ACSL5: variants seen among roughly 807,000 people sequenced by gnomAD.
The protein encoded by ACSL5 is acyl-CoA synthetase long chain family member 5.
In ACSL5, 50 loss-of-function variants were observed where a neutral mutation model predicts 84.9. The ratio of observed to expected loss-of-function variants is 0.59; its 90% confidence interval spans 0.47 to 0.75. The LOEUF (loss-of-function observed/expected upper bound fraction) is 0.75. Ranked by LOEUF, ACSL5 falls within the 30% of genes least tolerant of loss-of-function variation. The pLI is 0.00. For missense variants in ACSL5, 775 were observed against 830.4 expected, an observed-to-expected ratio of 0.93 and a Z score of 0.82; for synonymous variants, 280 against 300.7, an observed-to-expected ratio of 0.93 and a Z score of 0.71.
At chr10:112,414,330 T>A (rs1054416270) in intron 12 of ACSL5, among the ~76,000 whole-genome samples, 1 of 149,736 alleles carries the variant, frequency 6.7e-6, no homozygotes, top group Non-Finnish European at 1.5e-5. Flanking sequence ...AATTTTCAGA[T>A]TTTTTTTTAA....
intron 12 of ACSL5, among the ~76,000 whole-genome samples, chr10:112,413,720 A>G (rs903083211): frequency 6.6e-6 from 1 of 152,130 alleles, no homozygotes; most frequent in Non-Finnish European, 1.5e-5. Context: ...GCAAGACTCC[A>G]TCTCAAAAAA....
chr10:112,406,911 T>TA (rs1844052953), intron 5 of ACSL5, among the ~76,000 whole-genome samples: 2 of 152,154 alleles, frequency 1.3e-5, no homozygotes, highest in Admixed American at 6.5e-5. Flanking sequence ...ATGCTGCTGA[T>TA]AAAGACATAC....
rs200496331 is a variant in ACSL5, at chr10:112,426,341, G to A, written c.1821G>A (p.Glu607=). ...AAKLGVKGSF[E]ELCQNQVVRE... is the part of the protein sequence containing the mutation. ...AGCTTGGGGTGAAGGGCTCCTTTGA[G>A]GAACTGTGCCAAAACCAAGTAAGTC... Residue 607 remains glutamate (E), a synonymous_variant, in exon 19 of 21, where the codon GAG becomes GAA. Transcript: ENST00000354655. 3.1e-6 allele frequency: 5 copies of A among 1,614,014 alleles called. No homozygotes were observed. The highest frequency in any genetic ancestry group is 1.6e-4 in the Middle Eastern group (1 of 6,062).
At chr10:112,424,697 A>C (rs1844602944) in intron 17 of ACSL5, 2 of 152,174 alleles carry the variant, frequency 1.3e-5, no homozygotes, top group East Asian at 3.8e-4. Flanking sequence ...TAGCATGTGG[A>C]TTTTATTTGC....
chr10:112,422,488 G>A, intron 17 of ACSL5, 47 bp downstream of exon 17: 1 of 1,529,572 alleles, frequency 6.5e-7, no homozygotes, highest in Non-Finnish European at 9.0e-7. Context: ...AATGGACTGA[G>A]AAGAACAATC....
chr10:112,419,838 C>T (rs1844413669), intron 14 of ACSL5: 1 of 152,182 alleles, frequency 6.6e-6, no homozygotes, highest in African/African-American at 2.4e-5. Flanking sequence ...CCCAATATTT[C>T]ATAAGACTGT....
intron 1 of ACSL5, among the ~76,000 whole-genome samples, chr10:112,386,651 A>C (rs1311298780): frequency 6.6e-6 from 1 of 152,176 alleles, no homozygotes; most frequent in Non-Finnish European, 1.5e-5. Context: ...AGTTCCTAAG[A>C]AAGCCTTCAT....
chr10:112,421,521 T>G (rs933600818), intron 14 of ACSL5, 72 bp from the exon 15 acceptor site: 1 of 1,385,336 alleles, frequency 7.2e-7, no homozygotes, highest in Non-Finnish European at 1.0e-6. Flanking sequence ...TTTCCTCGTG[T>G]CTTGACCATA....
intron 1 of ACSL5, 181 bp from the exon 2 acceptor site, chr10:112,394,737 C>T: frequency 1.0e-6 from 1 of 984,918 alleles, no homozygotes; most frequent in Non-Finnish European, 1.2e-6. Flanking sequence ...TTCAACAGTG[C>T]TAAGTAAACA....
At chr10:112,384,108 C>T (rs541184108) in intron 1 of ACSL5, among the ~76,000 whole-genome samples, 1 of 152,146 alleles carries the variant, frequency 6.6e-6, no homozygotes, top group African/African-American at 2.4e-5. Flanking sequence ...ATCGCTTGAA[C>T]CCAGGAGGCA....
At chr10:112,401,247 G>C (rs927023072) in intron 3 of ACSL5, among the ~76,000 whole-genome samples, 1 of 152,176 alleles carries the variant, frequency 6.6e-6, no homozygotes, top group South Asian at 2.1e-4. Context: ...TGACACTTCT[G>C]GTCCTATCTG....
chr10:112,395,337 A>G (rs1442339390), intron 2 of ACSL5, among the ~76,000 whole-genome samples: 6 of 152,370 alleles, frequency 3.9e-5, no homozygotes, highest in South Asian at 4.1e-4. Context: ...AAACATAGCC[A>G]TGAACAAAAT....
At chr10:112,375,723 G>A (rs554645301) in intron 1 of ACSL5, among the ~76,000 whole-genome samples, 2 of 152,300 alleles carry the variant, frequency 1.3e-5, no homozygotes, top group African/African-American at 4.8e-5. Flanking sequence ...GTTAAGTTTT[G>A]AGGTGTGACT....
chr10:112,401,792 CTTTCTTTCTTTCTTTCTTTCTTTCTT>C (rs1843901949), intron 3 of ACSL5, among the ~76,000 whole-genome samples: 2 of 94,756 alleles, frequency 2.1e-5, no homozygotes, highest in Non-Finnish European at 4.7e-5. Context: ...CTTTCTCTTT[CTTTCTTTCTTTCTTTCTTTCTTTCTT>C]TCTTTCTTTC....
intron 1 of ACSL5, among the ~76,000 whole-genome samples, chr10:112,393,282 C>G (rs866435540): frequency 3.9e-5 from 6 of 152,168 alleles, no homozygotes; most frequent in South Asian, 2.1e-4. Context: ...TTTTTCTCCC[C>G]CTAAATGCAA....
At chr10:112,393,195 AG>A (rs1370467588) in intron 1 of ACSL5, among the ~76,000 whole-genome samples, 1 of 152,144 alleles carries the variant, frequency 6.6e-6, no homozygotes, top group Non-Finnish European at 1.5e-5. Flanking sequence ...GAATCCTGCC[AG>A]GTGGTCACAA....
chr10:112,410,721 C>T, intron 9 of ACSL5, 86 bp downstream of exon 9: 7 of 1,421,682 alleles, frequency 4.9e-6, no homozygotes, highest in Non-Finnish European at 5.8e-6. Flanking sequence ...CTGGTAAATA[C>T]TCCCTCTAAA....
At chr10:112,423,474 G>C (rs1844557600) in intron 17 of ACSL5, among the ~76,000 whole-genome samples, 1 of 151,168 alleles carries the variant, frequency 6.6e-6, no homozygotes, top group Non-Finnish European at 1.5e-5. Context: ...TGGGATTGCT[G>C]GTATAAGCTA....
chr10:112,396,388 C>T (rs1049119646), intron 2 of ACSL5: 2 of 152,132 alleles, frequency 1.3e-5, no homozygotes, highest in Non-Finnish European at 2.9e-5. Flanking sequence ...TCTTTTGCAA[C>T]GACTCAATGC....
Sources: gnomAD v4.1 joint callset for allele counts (sites outside exome capture counted in the v4.1 genomes callset) on GRCh38, gnomAD v4.1.1 for gene constraint, MANE v1.5 for transcripts, NCBI Gene and HGNC (gene_info 2026-07-23, HGNC 2026-07-21) for gene names.